SLC47A1: variants seen among roughly 807,000 people sequenced by gnomAD.
The protein encoded by SLC47A1 is solute carrier family 47 member 1.
A neutral mutation model predicts 65.8 loss-of-function variants in SLC47A1; 58 were observed. That is an observed-to-expected ratio of 0.88 (90% CI 0.71 to 1.10). SLC47A1 has a LOEUF of 1.10. Among genes scored for constraint, SLC47A1 ranks in the 50% least tolerant of loss-of-function variants. The pLI is 0.00. For synonymous variants in SLC47A1, 285 were observed against 295.0 expected, an observed-to-expected ratio of 0.97 and a Z score of 0.35; for missense variants, 706 against 719.2, an observed-to-expected ratio of 0.98 and a Z score of 0.21.
Position 19,555,538 on chromosome 17 carries a change from G to T in SLC47A1, c.642-55G>T. The T allele has an allele frequency of 1.9e-6, 3 of 1,548,372 alleles. No individual in the cohort carries two copies. The South Asian group carries it at 3.4e-5, about 17-fold the overall frequency. On this transcript the variant is annotated intron_variant, in intron 7 of 16. Coordinates refer to ENST00000270570, the MANE Select transcript of SLC47A1 (RefSeq NM_018242.3). ...ATGAGTCTCCCCTCCTCACTGAGTT[G>T]GGCAGGGAGAGGCGCAGGAAGGTAC... is the stretch of plus-strand genomic sequence containing the variant.
In SLC47A1 at chr17:19,559,447, A is replaced by G. The variant is rs150885469; in HGVS notation, c.922-741A>G. 2.4e-4 allele frequency among the ~76,000 whole-genome samples: 37 copies of G among 152,336 alleles called. 1 individual carries two copies. The East Asian group carries it at 7.1e-3, about 29-fold the overall frequency. On this transcript the variant is annotated intron_variant, in intron 10 of 16. Coordinates refer to ENST00000270570, the MANE Select transcript of SLC47A1 (RefSeq NM_018242.3). The stretch of plus-strand genomic sequence containing the variant: ...TGAGGTTGCAGGATCGTTTGAGCCC[A>G]GGAGGTCGAGGCTGTAGTGAACTAT...
chr17:19,549,513 C>T (rs1200961460), intron 4 of SLC47A1, 122 bp from the exon 5 acceptor site: 1 of 1,046,616 alleles, frequency 9.6e-7, no homozygotes, highest in East Asian at 2.4e-5. Flanking sequence ...AACTTAAGCC[C>T]ATTAATCTGG....
chr17:19,555,847 T>C lies in SLC47A1; in HGVS notation c.791T>C (p.Ile264Thr). The stretch of plus-strand genomic sequence containing the variant: ...TGGGCCTCCTTCCTCCGCCTGGCCA[T>C]CCCCAGCATGCTCATGCTGTGCATG... ...QDWASFLRLA[I>T]PSMLMLCMEW... Residue 264 changes from isoleucine (I) to threonine (T), a missense_variant, in exon 9 of 17, where the codon ATC becomes ACC. Ile to Thr is a moderately conservative substitution (Grantham distance 89). Transcript: ENST00000270570. 6.2e-7 allele frequency: 1 copy of C among 1,613,792 alleles called. No individual in the cohort carries two copies. Among genetic ancestry groups the C allele is most frequent in the African/African-American group, 1.3e-5 (1 of 75,018 alleles).
intron 16 of SLC47A1, among the ~76,000 whole-genome samples, chr17:19,576,896 T>A (rs2084444722): frequency 6.6e-6 from 1 of 152,148 alleles, no homozygotes; most frequent in African/African-American, 2.4e-5. Context: ...TACAAGCATG[T>A]GCCACCATGT....
chr17:19,566,867 T>G lies in SLC47A1; in HGVS notation c.1176+8T>G, dbSNP rs1738600981. On this transcript the variant is annotated splice_region_variant and intron_variant, in intron 13 of 16. Coordinates refer to ENST00000270570, the MANE Select transcript of SLC47A1 (RefSeq NM_018242.3). ...CTCTTTGAAGCTCTTGCTGTAAGTA[T>G]TATGTAGTAGTCCCCTAAGCACTGT... 1 of 1,613,976 alleles carries G rather than the reference T, an allele frequency of 6.2e-7. No homozygotes were observed. Among genetic ancestry groups the G allele is most frequent in the African/African-American group, 1.3e-5 (1 of 74,934 alleles).
chr17:19,577,721 G>T lies in SLC47A1; in HGVS notation c.*168G>T. 7.0e-7 allele frequency: 1 copy of T among 1,432,124 alleles called. No individual in the cohort carries two copies. The allele number at this position is 1,432,124 out of a possible 1,614,324, so 88.7% of individuals were successfully genotyped here. A position where few individuals can be genotyped will look rare whatever the true frequency, so the allele number is the denominator to read the frequency against. On this transcript the variant is annotated 3_prime_UTR_variant, in exon 17 of 17. Coordinates refer to ENST00000270570, the MANE Select transcript of SLC47A1 (RefSeq NM_018242.3). ...TTCTATAAAAAGAAAAAGCAACTAAGGTTAAAAGCTATATTGTGGCCCAAG... is the reference window on the plus strand; with the variant it reads ...TTCTATAAAAAGAAAAAGCAACTAATGTTAAAAGCTATATTGTGGCCCAAG...
At chr17:19,538,638 T>G (rs1916059554) in intron 1 of SLC47A1, among the ~76,000 whole-genome samples, 1 of 152,346 alleles carries the variant, frequency 6.6e-6, no homozygotes, top group South Asian at 2.1e-4. Flanking sequence ...TATGTAACCA[T>G]CTGAGTTGAG....
At position 19,549,689 on chromosome 17, in the gene SLC47A1, AG is replaced by A. The variant is rs775789563; in HGVS notation, c.498+15del. On this transcript the variant is annotated intron_variant, in intron 5 of 16. Transcript: ENST00000270570. The stretch of plus-strand genomic sequence containing the variant: ...TTCCAGCTCTTCCTGTAAGTGCTCA[AG>A]GGCTAAGAGATTCCCTTCTTGGGGT... The A allele has an allele frequency of 7.2e-5, 116 of 1,614,090 alleles. No homozygotes were observed. Among genetic ancestry groups the A allele is most frequent in the Middle Eastern group, 3.3e-4 (2 of 6,062 alleles).
At chr17:19,540,201 G>C (rs1363830954) in intron 1 of SLC47A1, among the ~76,000 whole-genome samples, 2 of 152,140 alleles carry the variant, frequency 1.3e-5, no homozygotes, top group African/African-American at 4.8e-5. Flanking sequence ...TGCAATTTGT[G>C]ATGGTAAGAT....
chr17:19,554,014 G>A (rs1916530240), intron 6 of SLC47A1, among the ~76,000 whole-genome samples: 1 of 152,190 alleles, frequency 6.6e-6, no homozygotes, highest in South Asian at 2.1e-4. Context: ...CAAGACCATT[G>A]TCCTGGCCCC....
chr17:19,549,645 A>G lies in SLC47A1; in HGVS notation c.466A>G (p.Thr156Ala), dbSNP rs541196872. The G allele has an allele frequency of 4.5e-5, 72 of 1,614,094 alleles. No homozygotes were observed. In the South Asian group the frequency reaches 6.9e-4, roughly 16 times the overall value. The change falls in exon 5 of 17, where the codon ACC becomes GCC. Residue 156 changes from threonine to alanine, a missense_variant. Thr to Ala is a moderately conservative substitution (Grantham distance 58). Coordinates refer to ENST00000270570, the MANE Select transcript of SLC47A1 (RefSeq NM_018242.3). The part of the protein sequence containing the change: ...QDPDVSRLTQ[T>A]YVTIFIPALP... ...CTTTTCGTTATTTAGGCTTACCCAG[A>G]CCTATGTCACGATCTTCATTCCAGC...
Position 19,534,033 on chromosome 17 carries a change from C to G in SLC47A1, c.94C>G (p.Arg32Gly). Residue 32 changes from arginine to glycine, a missense_variant, in exon 1 of 17, where the codon CGA becomes GGA. Physicochemically the swap from Arg to Gly is moderately radical, Grantham distance 125. Coordinates refer to ENST00000270570, the MANE Select transcript of SLC47A1 (RefSeq NM_018242.3). ...GCGCTGCTTGCGGCTGTCCGCCTTC[C>G]GAGAAGAGCTGCGGGCGCTCTTGGT... The part of the protein sequence containing the change: ...GSRCLRLSAF[R>G]EELRALLVLA... The G allele has an allele frequency of 6.5e-7, 1 of 1,548,038 alleles. No individual in the cohort carries two copies. Among genetic ancestry groups the G allele is most frequent in the Non-Finnish European group, 8.7e-7 (1 of 1,147,810 alleles).
intron 14 of SLC47A1, among the ~76,000 whole-genome samples, chr17:19,569,811 A>T (rs1278845971): frequency 6.6e-6 from 1 of 152,256 alleles, no homozygotes. Flanking sequence ...AGCTGGAGTT[A>T]GCTGGTTATT....
chr17:19,561,937 T>TA (rs1464618917), intron 12 of SLC47A1, among the ~76,000 whole-genome samples: 1 of 152,232 alleles, frequency 6.6e-6, no homozygotes, highest in Non-Finnish European at 1.5e-5. Flanking sequence ...GAATTGAAGT[T>TA]AAAATCTCAC....
Position 19,548,018 on chromosome 17 carries a change from G to A in SLC47A1, c.340G>A (p.Val114Met), listed in dbSNP as rs372838369. Reference sequence around the variant, plus strand: ...GAGCCAGAACCTGAAGCACGTGGGCGTGATCCTGCAGCGGAGTGCGCTCGT... The same window carrying A: ...GAGCCAGAACCTGAAGCACGTGGGCATGATCCTGCAGCGGAGTGCGCTCGT... The part of the protein sequence containing the change: ...YGSQNLKHVG[V>M]ILQRSALVLL... The change falls in exon 4 of 17, where the codon GTG becomes ATG. Residue 114 changes from valine (V) to methionine (M), a missense_variant. By Grantham distance (21) the Val-to-Met change is conservative. Coordinates refer to ENST00000270570, the MANE Select transcript of SLC47A1 (RefSeq NM_018242.3). 79 of 1,613,810 alleles carry A rather than the reference G, an allele frequency of 4.9e-5. No homozygotes were observed. The highest frequency in any genetic ancestry group is 6.4e-5 in the Non-Finnish European group (75 of 1,179,878).
At chr17:19,539,644 C>T (rs1916085705) in intron 1 of SLC47A1, among the ~76,000 whole-genome samples, 1 of 152,042 alleles carries the variant, frequency 6.6e-6, no homozygotes, top group South Asian at 2.1e-4. Context: ...ACCACTGCAC[C>T]CAGCTAATTT....
At chr17:19,542,522 C>G (rs1567965979) in intron 2 of SLC47A1, 28 bp downstream of exon 2, 5 of 1,556,922 alleles carry the variant, frequency 3.2e-6, no homozygotes, top group Non-Finnish European at 4.4e-6. Flanking sequence ...GGCAGGTTTA[C>G]CAACACTGTC....
chr17:19,570,613 G>C lies in SLC47A1; in HGVS notation c.1310-865G>C, dbSNP rs185305499. 2.6e-5 allele frequency among the ~76,000 whole-genome samples: 4 copies of C among 152,328 alleles called. No individual in the cohort carries two copies. In the East Asian group the frequency reaches 5.8e-4, roughly 22 times the overall value. On this transcript the variant is annotated intron_variant, in intron 14 of 16. Coordinates refer to ENST00000270570, the MANE Select transcript of SLC47A1 (RefSeq NM_018242.3). ...GGGGCCAATCGTTACAGAAGTTACT[G>C]GTTAGCTTCCTGGATTGTTACCAAA...
At chr17:19,554,412 C>T (rs1479404928) in intron 6 of SLC47A1, among the ~76,000 whole-genome samples, 5 of 152,194 alleles carry the variant, frequency 3.3e-5, no homozygotes, top group African/African-American at 1.2e-4. Context: ...GATTTTGAGC[C>T]TCCACGCGAG....
Sources: allele counts gnomAD v4.1 joint callset (sites outside exome capture counted in the v4.1 genomes callset), GRCh38; gene constraint gnomAD v4.1.1; transcripts MANE v1.5; gene names NCBI Gene and HGNC (gene_info 2026-07-23, HGNC 2026-07-21).